Variants in HSD17B12 observed in about 807,000 individuals in gnomAD.
HSD17B12 encodes very-long-chain 3-oxoacyl-CoA reductase.
HSD17B12 carries 32 observed loss-of-function variants against 39.3 expected under a neutral mutation model. That is an observed-to-expected ratio of 0.81 (90% CI 0.61 to 1.09). The LOEUF is 1.09. Among genes scored for constraint, HSD17B12 ranks in the 50% least tolerant of loss-of-function variants. The probability of loss-of-function intolerance (pLI) is 0.00; values close to 1 mark genes in which losing one functional copy is unlikely to be tolerated. For missense variants in HSD17B12, 342 were observed against 382.9 expected (o/e 0.89, Z 0.89); for synonymous variants, 150 against 146.7 (o/e 1.02, Z -0.16).
At chr11:43,718,259 G>C (rs1226699169) in intron 1 of HSD17B12, among the ~76,000 whole-genome samples, 1 of 152,230 alleles carries the variant, frequency 6.6e-6, no homozygotes, top group African/African-American at 2.4e-5. Flanking sequence ...TTTGGAAATA[G>C]TGTGCTACAG....
Position 43,750,898 on chromosome 11 carries a change from T to C in HSD17B12, c.161-13T>C. The C allele has an allele frequency of 6.3e-7, 1 of 1,594,458 alleles. No individual in the cohort carries two copies. On this transcript the variant is annotated splice_polypyrimidine_tract_variant and intron_variant, in intron 1 of 10. Coordinates refer to ENST00000278353, the MANE Select transcript of HSD17B12 (RefSeq NM_016142.3). Reference sequence around the variant, plus strand: ...ATTCTTAGACTAAACTATTGCTTTTTTCCCTTTCCCAGTTGTCACAGGTAG... The same window carrying C: ...ATTCTTAGACTAAACTATTGCTTTTCTCCCTTTCCCAGTTGTCACAGGTAG...
At chr11:43,651,616 G>T in the HSD17B12 span, among the ~76,000 whole-genome samples, 9 of 152,170 alleles carry the variant, frequency 5.9e-5, no homozygotes, top group Admixed American at 5.9e-4. Flanking sequence ...GTCTCGCTCT[G>T]TCGCCCCAGG....
intron 4 of HSD17B12, among the ~76,000 whole-genome samples, chr11:43,807,325 A>G (rs1370550582): frequency 2.0e-5 from 3 of 152,172 alleles, no homozygotes; most frequent in Non-Finnish European, 4.4e-5. Flanking sequence ...TGGAAACCTG[A>G]AGGCTGAATA....
chr11:43,696,093 G>A (rs1198585681), intron 1 of HSD17B12, among the ~76,000 whole-genome samples: 1 of 152,164 alleles, frequency 6.6e-6, no homozygotes, highest in African/African-American at 2.4e-5. Flanking sequence ...GTGAGAACAT[G>A]TGGTATTTGG....
chr11:43,737,211 G>T (rs1167652381), intron 1 of HSD17B12, among the ~76,000 whole-genome samples: 2 of 152,218 alleles, frequency 1.3e-5, no homozygotes, highest in Admixed American at 1.3e-4. Flanking sequence ...AGACAGAAGA[G>T]CTAAAAATAG....
At chr11:43,632,935 A>G in the HSD17B12 span, among the ~76,000 whole-genome samples, 2 of 152,030 alleles carry the variant, frequency 1.3e-5, no homozygotes, top group African/African-American at 4.8e-5. Context: ...TAGTTCCTTT[A>G]TTTAAAAAGA....
chr11:43,802,871 T>G (rs1299543214), intron 4 of HSD17B12, among the ~76,000 whole-genome samples: 2 of 152,244 alleles, frequency 1.3e-5, no homozygotes, highest in East Asian at 3.8e-4. Context: ...CACACAACTT[T>G]GATTTTGATT....
chr11:43,581,190 C>G, the HSD17B12 span, among the ~76,000 whole-genome samples: 1 of 152,112 alleles, frequency 6.6e-6, no homozygotes, highest in Non-Finnish European at 1.5e-5. The surrounding 1 kb of genome is among the most constrained non-coding windows in gnomAD (Gnocchi z 4.9). Context: ...CCTCCACACA[C>G]TTCTCTCGGG....
At chr11:43,652,404 C>T in the HSD17B12 span, among the ~76,000 whole-genome samples, 1 of 152,192 alleles carries the variant, frequency 6.6e-6, no homozygotes, top group African/African-American at 2.4e-5. Context: ...TTCCCCTACA[C>T]ACCAGACAAG....
At chr11:43,594,657 T>C in the HSD17B12 span, among the ~76,000 whole-genome samples, 1 of 152,082 alleles carries the variant, frequency 6.6e-6, no homozygotes, top group Non-Finnish European at 1.5e-5. Flanking sequence ...ACCTGGCTGG[T>C]CTCTTATTTC....
rs972391730 is a variant in HSD17B12, at chr11:43,830,891, T to G, written c.502-85T>G. Reference sequence around the variant, plus strand: ...GGTGAATGGTTTCATGATTCCCTTCTTTTTAGTGTGGGTGAGTTTTCTTCA... The same window carrying G: ...GGTGAATGGTTTCATGATTCCCTTCGTTTTAGTGTGGGTGAGTTTTCTTCA... On this transcript the variant is annotated intron_variant, in intron 6 of 10. Coordinates refer to ENST00000278353, the MANE Select transcript of HSD17B12 (RefSeq NM_016142.3). 4 of 1,081,114 alleles carry G rather than the reference T, an allele frequency of 3.7e-6. No homozygotes were observed. The African/African-American group carries it at 6.3e-5, about 17-fold the overall frequency. 67.0% of individuals were successfully genotyped at this position (1,081,114 alleles called of 1,614,324 possible). A position where few individuals can be genotyped will look rare whatever the true frequency, so the allele number is the denominator to read the frequency against.
At chr11:43,631,555 G>C in the HSD17B12 span, among the ~76,000 whole-genome samples, 23,852 of 151,100 alleles carry the variant, frequency 0.16, 2,182 homozygotes, top group Non-Finnish European at 0.21. Context: ...GTGTGTGTGT[G>C]TCTCTCTCTC....
At chr11:43,746,057 C>T (rs1213594612) in intron 1 of HSD17B12, among the ~76,000 whole-genome samples, 5 of 151,990 alleles carry the variant, frequency 3.3e-5, no homozygotes, top group Non-Finnish European at 5.9e-5. Flanking sequence ...CTGTCTAGGA[C>T]GCTTACTGTG....
At chr11:43,794,262 C>T (rs527538794) in intron 3 of HSD17B12, among the ~76,000 whole-genome samples, 1 of 152,162 alleles carries the variant, frequency 6.6e-6, no homozygotes, top group Non-Finnish European at 1.5e-5. Context: ...CTGTATATAT[C>T]ATGGAATTCT....
intron 1 of HSD17B12, chr11:43,719,223 G>T (rs1950153885): frequency 4.7e-6 from 3 of 636,852 alleles, no homozygotes; most frequent in African/African-American, 1.8e-5. Context: ...TTCTGGTTGG[G>T]CTGGGAGGCC....
In HSD17B12 at chr11:43,718,990, C is replaced by A. The variant is rs61755882; in HGVS notation, c.161-31921C>A. On this transcript the variant is annotated intron_variant, in intron 1 of 10. Coordinates refer to ENST00000278353, the MANE Select transcript of HSD17B12 (RefSeq NM_016142.3). ...TGTTCATTGTGGATGTTAAAGCCAA[C>A]AAGCACCAGATCAAAAAGGCTGTGA... is the stretch of plus-strand genomic sequence containing the variant. 1.5e-3 allele frequency: 1,530 copies of A among 1,019,712 alleles called. 27 individuals carry two copies. In the African/African-American group the frequency reaches 0.02, roughly 14 times the overall value. 63.2% of individuals were successfully genotyped at this position (1,019,712 alleles called of 1,614,324 possible).
At chr11:43,664,612 A>G in the HSD17B12 span, among the ~76,000 whole-genome samples, 1 of 152,166 alleles carries the variant, frequency 6.6e-6, no homozygotes, top group Admixed American at 6.5e-5. Flanking sequence ...GGCTACTCCT[A>G]CCTTCTTGCT....
intron 5 of HSD17B12, among the ~76,000 whole-genome samples, chr11:43,815,883 G>A (rs1176821458): frequency 2.6e-5 from 4 of 152,144 alleles, no homozygotes; most frequent in Non-Finnish European, 5.9e-5. Context: ...ATACAGCAAC[G>A]TGGTTGATTC....
intron 1 of HSD17B12, among the ~76,000 whole-genome samples, chr11:43,712,537 G>A (rs1313136956): frequency 6.6e-6 from 1 of 152,012 alleles, no homozygotes; most frequent in Non-Finnish European, 1.5e-5. Flanking sequence ...ATCAGAATAT[G>A]TTTAAATCTA....
Sources: allele counts gnomAD v4.1 joint callset (sites outside exome capture counted in the v4.1 genomes callset), GRCh38; gene constraint gnomAD v4.1.1; non-coding constraint Gnocchi (gnomAD v3.1); transcripts MANE v1.5; gene names NCBI Gene and HGNC (gene_info 2026-07-23, HGNC 2026-07-21).